Variants in VSNL1 observed in about 807,000 individuals in gnomAD.
The protein encoded by VSNL1 is visinin like 1.
A neutral mutation model predicts 20.4 loss-of-function variants in VSNL1; 6 were observed. The ratio of observed to expected loss-of-function variants is 0.29; its 90% CI spans 0.16 to 0.58. The LOEUF (loss-of-function observed/expected upper bound fraction) is 0.58. Ranked by LOEUF, VSNL1 falls within the 20% of genes least tolerant of loss-of-function variation. VSNL1 has a pLI of 0.90. For synonymous variants in VSNL1, 93 were observed against 86.4 expected (o/e 1.08, Z -0.42); for missense variants, 100 against 234.5 (o/e 0.43, Z 3.75).
intron 1 of VSNL1, among the ~76,000 whole-genome samples, chr2:17,586,532 A>G (rs1043179360): frequency 5.3e-5 from 8 of 152,172 alleles, no homozygotes; most frequent in Non-Finnish European, 5.9e-5. Context: ...ATGAGTATTC[A>G]TTTCATCATG....
At chr2:17,628,186 T>G (rs1337129300) in intron 2 of VSNL1, among the ~76,000 whole-genome samples, 2 of 152,224 alleles carry the variant, frequency 1.3e-5, no homozygotes, top group Non-Finnish European at 1.5e-5. Context: ...AGCAAAGGCA[T>G]AATAGAGTGT....
intron 2 of VSNL1, among the ~76,000 whole-genome samples, chr2:17,620,770 A>C (rs1196282833): frequency 6.6e-6 from 1 of 151,202 alleles, no homozygotes; most frequent in Non-Finnish European, 1.5e-5. Context: ...ATATAGTACA[A>C]AAAAAAATTG....
intron 2 of VSNL1, among the ~76,000 whole-genome samples, chr2:17,596,660 G>C (rs1164221831): frequency 6.6e-6 from 1 of 152,192 alleles, no homozygotes; most frequent in African/African-American, 2.4e-5. Flanking sequence ...TTTATGTTTA[G>C]AGTTTGACTT....
At chr2:17,622,605 G>GAAAGAAAGAAAGA (rs1665412477) in intron 2 of VSNL1, among the ~76,000 whole-genome samples, 1 of 134,350 alleles carries the variant, frequency 7.4e-6, no homozygotes, top group South Asian at 2.4e-4. Context: ...AGAAAGAAAA[G>GAAAGAAAGAAAGA]AAAGAAAGAT....
chr2:17,638,477 G>A (rs925588444), intron 2 of VSNL1, among the ~76,000 whole-genome samples: 2 of 152,154 alleles, frequency 1.3e-5, no homozygotes, highest in Admixed American at 1.3e-4. Flanking sequence ...GCACACAAGA[G>A]GAAACAGGCC....
chr2:17,623,739 G>T (rs1665440264), intron 2 of VSNL1, among the ~76,000 whole-genome samples: 1 of 151,246 alleles, frequency 6.6e-6, no homozygotes, highest in Admixed American at 6.6e-5. Flanking sequence ...ATGCTCAAAT[G>T]CTATCATAGA....
chr2:17,614,972 T>C (rs1307406444), intron 2 of VSNL1, among the ~76,000 whole-genome samples: 1 of 152,344 alleles, frequency 6.6e-6, no homozygotes, highest in Admixed American at 6.5e-5. Flanking sequence ...CTCCGCTTCT[T>C]TCCAGAGAGA....
At chr2:17,643,788 G>A (rs1407579658) in intron 2 of VSNL1, among the ~76,000 whole-genome samples, 2 of 152,196 alleles carry the variant, frequency 1.3e-5, no homozygotes, top group Non-Finnish European at 2.9e-5. Flanking sequence ...GGGGTTCACT[G>A]GGCCAAGGTC....
At chr2:17,635,728 T>C (rs1179946674) in intron 2 of VSNL1, among the ~76,000 whole-genome samples, 4 of 152,184 alleles carry the variant, frequency 2.6e-5, no homozygotes, top group Non-Finnish European at 5.9e-5. Context: ...TAATGTCATC[T>C]CCAAAACAGA....
intron 1 of VSNL1, among the ~76,000 whole-genome samples, chr2:17,546,535 A>C (rs1663410152): frequency 6.6e-6 from 1 of 151,958 alleles, no homozygotes; most frequent in South Asian, 2.1e-4. Flanking sequence ...TTTGCAGTTC[A>C]AGAGTTCTTG....
chr2:17,621,130 A>G (rs1199240446), intron 2 of VSNL1, among the ~76,000 whole-genome samples: 1 of 152,186 alleles, frequency 6.6e-6, no homozygotes, highest in Non-Finnish European at 1.5e-5. Flanking sequence ...TACCTAGCAT[A>G]TCACTTAACA....
At chr2:17,552,388 T>C (rs1663565108) in intron 1 of VSNL1, among the ~76,000 whole-genome samples, 1 of 152,182 alleles carries the variant, frequency 6.6e-6, no homozygotes, top group South Asian at 2.1e-4. Context: ...AAGTGATAAA[T>C]GTGTTGTTCA....
chr2:17,637,667 G>C (rs1044947418), intron 2 of VSNL1, among the ~76,000 whole-genome samples: 13 of 152,312 alleles, frequency 8.5e-5, no homozygotes, highest in African/African-American at 3.1e-4. Context: ...CTGCATCAGA[G>C]AGTGTGCGCT....
At chr2:17,612,102 A>G (rs1457530540) in intron 2 of VSNL1, among the ~76,000 whole-genome samples, 3 of 152,172 alleles carry the variant, frequency 2.0e-5, no homozygotes, top group Non-Finnish European at 4.4e-5. Flanking sequence ...GCACGTGCCT[A>G]TGCATACCGT....
At chr2:17,608,732 A>T (rs1050633102) in intron 2 of VSNL1, among the ~76,000 whole-genome samples, 1 of 152,182 alleles carries the variant, frequency 6.6e-6, no homozygotes, top group Non-Finnish European at 1.5e-5. Context: ...ACAGAGAATA[A>T]TAATAATACA....
chr2:17,598,415 C>T (rs1012292635), intron 2 of VSNL1, among the ~76,000 whole-genome samples: 13 of 152,314 alleles, frequency 8.5e-5, no homozygotes, highest in African/African-American at 2.4e-4. Context: ...CAAACTGTAA[C>T]GCATCTCAGA....
intron 2 of VSNL1, among the ~76,000 whole-genome samples, chr2:17,623,826 C>T (rs1012932068): frequency 2.6e-5 from 4 of 152,104 alleles, no homozygotes; most frequent in Non-Finnish European, 4.4e-5. Flanking sequence ...TTCCACCAGA[C>T]ACCAAATAAA....
intron 3 of VSNL1, among the ~76,000 whole-genome samples, chr2:17,650,576 A>G (rs905324662): frequency 2.0e-5 from 3 of 152,230 alleles, no homozygotes; most frequent in Non-Finnish European, 2.9e-5. Flanking sequence ...GAAAGGTATC[A>G]CTTGCTGAAG....
At chr2:17,589,667 G>C (rs940912864) in intron 1 of VSNL1, among the ~76,000 whole-genome samples, 1 of 152,186 alleles carries the variant, frequency 6.6e-6, no homozygotes, top group Non-Finnish European at 1.5e-5. Flanking sequence ...AATATTTCCT[G>C]TGTGTGTAAG....
Sources: allele counts gnomAD v4.1 joint callset (sites outside exome capture counted in the v4.1 genomes callset), GRCh38; gene constraint gnomAD v4.1.1; transcripts MANE v1.5; gene names NCBI Gene and HGNC (gene_info 2026-07-23, HGNC 2026-07-21).